The following STARD3NL variants were observed in gnomAD, a reference collection of about 807,000 sequenced individuals.
STARD3NL encodes STARD3 N-terminal like, also known as STARD3 N-terminal-like protein.
A neutral mutation model predicts 30.9 loss-of-function variants in STARD3NL; 17 were observed. The observed-to-expected ratio is 0.55, with a 90% CI of 0.38 to 0.82. STARD3NL has a LOEUF of 0.82. Among genes scored for constraint, STARD3NL ranks in the 40% least tolerant of loss-of-function variants. STARD3NL has a pLI of 0.00. For missense variants in STARD3NL, 234 were observed against 277.6 expected (o/e 0.84, Z 1.12); for synonymous variants, 112 against 100.5 (o/e 1.11, Z -0.69).
At chr7:38,196,359 C>T (rs934665816) in intron 1 of STARD3NL, among the ~76,000 whole-genome samples, 2 of 152,146 alleles carry the variant, frequency 1.3e-5, no homozygotes, top group Non-Finnish European at 2.9e-5. Context: ...ATGTGCCTGT[C>T]AGCTTGTTCT....
At chr7:38,221,777 G>A (rs747302580) in intron 7 of STARD3NL, among the ~76,000 whole-genome samples, 6 of 152,228 alleles carry the variant, frequency 3.9e-5, no homozygotes, top group Admixed American at 6.5e-5. Flanking sequence ...GTCACCAGTT[G>A]TCTAGCTTCT....
At chr7:38,228,548 A>G (rs1407673186) in intron 7 of STARD3NL, among the ~76,000 whole-genome samples, 2 of 152,258 alleles carry the variant, frequency 1.3e-5, no homozygotes, top group African/African-American at 2.4e-5. Flanking sequence ...GTCTGCATGA[A>G]TATTCTTAGT....
chr7:38,202,588 T>C (rs1785235878), intron 1 of STARD3NL, among the ~76,000 whole-genome samples: 1 of 152,142 alleles, frequency 6.6e-6, no homozygotes, highest in Non-Finnish European at 1.5e-5. Context: ...TTTATTTTTA[T>C]TATACTTTAA....
Position 38,207,543 on chromosome 7 carries a change from C to G in STARD3NL, c.39C>G (p.Thr13=). The change falls in exon 2 of 9, where the codon ACC becomes ACG. Residue 13 remains threonine, a synonymous_variant. Transcript: ENST00000009041. ...HLPEDMENAL[T]GSQSSHASLR... Reference sequence around the variant, plus strand: ...CAGAAGACATGGAGAACGCTCTCACCGGGAGCCAGAGCTCCCATGCTTCTC... The same window carrying G: ...CAGAAGACATGGAGAACGCTCTCACGGGGAGCCAGAGCTCCCATGCTTCTC... 2.5e-6 allele frequency: 4 copies of G among 1,613,966 alleles called. No individual in the cohort carries two copies. The highest frequency in any genetic ancestry group is 3.4e-6 in the Non-Finnish European group (4 of 1,179,924).
intron 1 of STARD3NL, among the ~76,000 whole-genome samples, chr7:38,187,433 T>A (rs1784508404): frequency 6.6e-6 from 1 of 152,220 alleles, no homozygotes; most frequent in South Asian, 2.1e-4. Context: ...TATTTATATA[T>A]CTTCCCTATT....
chr7:38,207,393 G>A (rs1424681822), intron 1 of STARD3NL, 54 bp from the exon 2 acceptor site: 2 of 824,606 alleles, frequency 2.4e-6, no homozygotes, highest in Non-Finnish European at 3.8e-6. Flanking sequence ...GGGTTGCACA[G>A]TTATATTTGA....
rs764086023 is a variant in STARD3NL, at chr7:38,217,319, A to G, written c.553+14A>G. 2 of 1,612,650 alleles carry G rather than the reference A, an allele frequency of 1.2e-6. No individual in the cohort carries two copies. Among genetic ancestry groups the G allele is most frequent in the Non-Finnish European group, 1.7e-6 (2 of 1,179,104 alleles). ...AAGAAGAAAACAGTAAGTTCCTCTC[A>G]AAGTCAGCCTCCTGAGGCGGACTGG... On this transcript the variant is annotated intron_variant, in intron 6 of 8. Coordinates refer to ENST00000009041, the MANE Select transcript of STARD3NL (RefSeq NM_032016.4).
chr7:38,184,083 G>A (rs1784355726), intron 1 of STARD3NL, among the ~76,000 whole-genome samples: 1 of 152,150 alleles, frequency 6.6e-6, no homozygotes, highest in Non-Finnish European at 1.5e-5. Context: ...AAGAAGACAT[G>A]AACAATATGT....
intron 2 of STARD3NL, among the ~76,000 whole-genome samples, chr7:38,210,095 A>T (rs1307056909): frequency 6.6e-6 from 1 of 152,184 alleles, no homozygotes; most frequent in Non-Finnish European, 1.5e-5. Flanking sequence ...TACACGCAGT[A>T]CCATTCATTT....
chr7:38,210,587 A>C (rs993834533), intron 2 of STARD3NL, among the ~76,000 whole-genome samples: 3 of 152,190 alleles, frequency 2.0e-5, no homozygotes, highest in African/African-American at 7.2e-5. Flanking sequence ...TTTTGATTCT[A>C]TCCAAGGCCT....
intron 1 of STARD3NL, among the ~76,000 whole-genome samples, chr7:38,200,439 C>T (rs1860522): frequency 0.45 from 64,369 of 143,530 alleles, 14,012 homozygotes; most frequent in Admixed American, 0.52. Context: ...GGAACTCAGG[C>T]TAAACGTTCT....
intron 6 of STARD3NL, 136 bp from the exon 7 acceptor site, chr7:38,219,429 T>C: frequency 1.8e-6 from 1 of 566,916 alleles, no homozygotes; most frequent in Non-Finnish European, 3.2e-6. Flanking sequence ...ATTGTTTGGT[T>C]GAAACATTTT....
chr7:38,219,427 G>T, intron 6 of STARD3NL, 138 bp from the exon 7 acceptor site: 1 of 557,436 alleles, frequency 1.8e-6, no homozygotes, highest in Non-Finnish European at 3.2e-6. Context: ...TTATTGTTTG[G>T]TTGAAACATT....
At chr7:38,202,536 CTGATA>C (rs1785231787) in intron 1 of STARD3NL, among the ~76,000 whole-genome samples, 1 of 151,744 alleles carries the variant, frequency 6.6e-6, no homozygotes, top group Non-Finnish European at 1.5e-5. Flanking sequence ...TTGGTAATAT[CTGATA>C]TATTTCTTTT....
intron 1 of STARD3NL, among the ~76,000 whole-genome samples, chr7:38,200,546 A>G (rs1785128856): frequency 6.6e-6 from 1 of 152,162 alleles, no homozygotes; most frequent in African/African-American, 2.4e-5. Context: ...CAACAATGAA[A>G]TGAGTCACAG....
chr7:38,228,914 A>G lies in STARD3NL; in HGVS notation c.*17+43A>G, dbSNP rs188168037. 3.3e-5 allele frequency: 47 copies of G among 1,427,434 alleles called. No individual in the cohort carries two copies. The Admixed American group carries it at 4.0e-4, about 12-fold the overall frequency. The allele number at this position is 1,427,434 out of a possible 1,614,324, so 88.4% of individuals were successfully genotyped here. A position where few individuals can be genotyped will look rare whatever the true frequency, so the allele number is the denominator to read the frequency against. ...AACCATAACAACAAAGTAGTTAAGTATGGAGATTTCCTTTGAGTAGAGTCA... is the reference window on the plus strand; with the variant it reads ...AACCATAACAACAAAGTAGTTAAGTGTGGAGATTTCCTTTGAGTAGAGTCA... On this transcript the variant is annotated intron_variant, in intron 8 of 8. Coordinates refer to ENST00000009041, the MANE Select transcript of STARD3NL (RefSeq NM_032016.4).
intron 1 of STARD3NL, among the ~76,000 whole-genome samples, chr7:38,200,800 G>C (rs1213705698): frequency 6.6e-6 from 1 of 152,174 alleles, no homozygotes; most frequent in Non-Finnish European, 1.5e-5. Context: ...GGGGGATGGG[G>C]AGTAGAGCCT....
intron 1 of STARD3NL, among the ~76,000 whole-genome samples, chr7:38,186,088 A>G (rs1784446181): frequency 6.6e-6 from 1 of 152,190 alleles, no homozygotes; most frequent in South Asian, 2.1e-4. Flanking sequence ...TCACCTGTCT[A>G]GATAGTAATA....
intron 2 of STARD3NL, among the ~76,000 whole-genome samples, chr7:38,211,399 G>A (rs1785794240): frequency 1.3e-5 from 2 of 152,126 alleles, no homozygotes; most frequent in Admixed American, 1.3e-4. Flanking sequence ...AGAGGGTTTG[G>A]AGATCACGGC....
Sources: allele counts gnomAD v4.1 joint callset (sites outside exome capture counted in the v4.1 genomes callset), GRCh38; gene constraint gnomAD v4.1.1; transcripts MANE v1.5; gene names NCBI Gene and HGNC (gene_info 2026-07-23, HGNC 2026-07-21).